NXPH1: variants seen among roughly 807,000 people sequenced by gnomAD.
The protein encoded by NXPH1 is neurexophilin 1.
In NXPH1, 5 loss-of-function variants were observed where a neutral mutation model predicts 23.7. The observed-to-expected ratio is 0.21, with a 90% confidence interval of 0.11 to 0.44. The LOEUF is 0.44. Ranked by LOEUF, NXPH1 falls within the 20% of genes least tolerant of loss-of-function variation. The pLI is 0.99. For missense variants in NXPH1, 324 were observed against 321.6 expected (o/e 1.01, Z -0.06); for synonymous variants, 144 against 122.2 (o/e 1.18, Z -1.18).
intron 2 of NXPH1, among the ~76,000 whole-genome samples, chr7:8,451,951 A>G (rs1056063195): frequency 2.6e-5 from 4 of 152,220 alleles, no homozygotes; most frequent in African/African-American, 9.6e-5. Context: ...CTCATGGAAC[A>G]TAGCCCAAAC....
chr7:8,471,059 C>G (rs897614959), intron 2 of NXPH1, among the ~76,000 whole-genome samples: 12 of 151,996 alleles, frequency 7.9e-5, no homozygotes, highest in Non-Finnish European at 1.6e-4. Context: ...TGGGCAGATA[C>G]AAAGTGATAG....
intron 2 of NXPH1, among the ~76,000 whole-genome samples, chr7:8,484,397 A>G (rs1817124892): frequency 2.0e-5 from 3 of 152,042 alleles, no homozygotes; most frequent in Admixed American, 2.0e-4. Context: ...GGATGATGGC[A>G]ATGCCTGTGA....
intron 2 of NXPH1, among the ~76,000 whole-genome samples, chr7:8,527,756 G>T (rs577658742): frequency 6.6e-6 from 1 of 152,158 alleles, no homozygotes; most frequent in Non-Finnish European, 1.5e-5. Flanking sequence ...ATATGAAATT[G>T]TTTGACAGAC....
At chr7:8,690,896 C>A (rs1408446064) in intron 2 of NXPH1, among the ~76,000 whole-genome samples, 4 of 152,150 alleles carry the variant, frequency 2.6e-5, no homozygotes, top group African/African-American at 7.2e-5. Flanking sequence ...TTTGATGTAT[C>A]CATTTGTTCA....
At chr7:8,488,308 A>C (rs1817192331) in intron 2 of NXPH1, among the ~76,000 whole-genome samples, 1 of 152,122 alleles carries the variant, frequency 6.6e-6, no homozygotes, top group Non-Finnish European at 1.5e-5. Context: ...ATGTATGACC[A>C]TAATGTGATC....
At chr7:8,564,407 T>G (rs6956624) in intron 2 of NXPH1, among the ~76,000 whole-genome samples, 87,163 of 151,594 alleles carry the variant, frequency 0.57, 25,157 homozygotes, top group Middle Eastern at 0.69. Context: ...CTTTCTCCTC[T>G]GGATGTGACA....
intron 2 of NXPH1, among the ~76,000 whole-genome samples, chr7:8,697,157 C>T (rs368376402): frequency 2.9e-5 from 3 of 104,852 alleles, no homozygotes; most frequent in South Asian, 3.4e-4. Flanking sequence ...GATTCTGTTT[C>T]AAAAAAAAAA....
intron 2 of NXPH1, among the ~76,000 whole-genome samples, chr7:8,603,380 C>G (rs1178845501): frequency 6.6e-6 from 1 of 152,142 alleles, no homozygotes; most frequent in South Asian, 2.1e-4. Context: ...TAGCCACTAT[C>G]ACCTTTTTAA....
At chr7:8,480,499 A>G (rs917144661) in intron 2 of NXPH1, among the ~76,000 whole-genome samples, 2 of 152,160 alleles carry the variant, frequency 1.3e-5, no homozygotes, top group Non-Finnish European at 2.9e-5. Flanking sequence ...TCTGCACTTT[A>G]TTTGCCTCCA....
chr7:8,594,895 G>A (rs1029760466), intron 2 of NXPH1, among the ~76,000 whole-genome samples: 4 of 151,996 alleles, frequency 2.6e-5, no homozygotes, highest in Admixed American at 2.6e-4. Context: ...TCCTGAATTT[G>A]CTGCGGGCTG....
chr7:8,709,564 T>G (rs999317801), intron 2 of NXPH1, among the ~76,000 whole-genome samples: 1 of 152,180 alleles, frequency 6.6e-6, no homozygotes, highest in African/African-American at 2.4e-5. Context: ...TTAATTATAC[T>G]CAGCACACTA....
At chr7:8,452,974 C>T (rs1816532661) in intron 2 of NXPH1, among the ~76,000 whole-genome samples, 1 of 152,082 alleles carries the variant, frequency 6.6e-6, no homozygotes, top group Non-Finnish European at 1.5e-5. Flanking sequence ...TGGGGAAAGT[C>T]TCATCAGAAC....
intron 2 of NXPH1, among the ~76,000 whole-genome samples, chr7:8,546,455 C>G (rs1289395665): frequency 6.6e-6 from 1 of 151,328 alleles, no homozygotes; most frequent in African/African-American, 2.4e-5. Context: ...CCCTTTAGAT[C>G]ACACTGCAAT....
At chr7:8,475,427 A>C (rs2189908) in intron 2 of NXPH1, among the ~76,000 whole-genome samples, 3,263 of 152,236 alleles carry the variant, frequency 0.021, 117 homozygotes, top group African/African-American at 0.073. Context: ...TATGTGAGGG[A>C]AAATTAGGAC....
At chr7:8,590,983 A>G (rs963304394) in intron 2 of NXPH1, among the ~76,000 whole-genome samples, 2 of 152,102 alleles carry the variant, frequency 1.3e-5, no homozygotes, top group African/African-American at 2.4e-5. Flanking sequence ...TGTGTACACA[A>G]TAGCATGCCA....
chr7:8,473,738 T>TG lies in NXPH1; in HGVS notation c.54+37971_54+37972insG, dbSNP rs34423607. ...GGTAGACATCAGAATGCTGTGTGTGTTTTTTTTTTTTTAAAGAGAAGGCAA... is the reference window on the plus strand; with the variant it reads ...GGTAGACATCAGAATGCTGTGTGTGTGTTTTTTTTTTTTAAAGAGAAGGCAA... On this transcript the variant is annotated intron_variant, in intron 2 of 2. Coordinates refer to ENST00000405863, the MANE Select transcript of NXPH1 (RefSeq NM_152745.3). Among the ~76,000 whole-genome samples, 29 of 75,266 alleles carry TG rather than the reference T, an allele frequency of 3.9e-4. No homozygotes were observed. In the South Asian group the frequency reaches 4.6e-3, roughly 12 times the overall value. The allele number at this position is 75,266 out of a possible 152,430, so 49.4% of individuals were successfully genotyped here. A position where few individuals can be genotyped will look rare whatever the true frequency, so the allele number is the denominator to read the frequency against.
intron 2 of NXPH1, among the ~76,000 whole-genome samples, chr7:8,524,655 C>T (rs1257160757): frequency 2.6e-5 from 4 of 152,122 alleles, no homozygotes; most frequent in Non-Finnish European, 5.9e-5. Flanking sequence ...GTGGGAGGGA[C>T]CTGGGGGAGA....
At chr7:8,551,861 A>G (rs889391058) in intron 2 of NXPH1, among the ~76,000 whole-genome samples, 9 of 151,440 alleles carry the variant, frequency 5.9e-5, no homozygotes, top group African/African-American at 2.2e-4. Context: ...TAAACAGTCT[A>G]ATAGCTTTCT....
At position 8,490,160 on chromosome 7, in the gene NXPH1, T is replaced by C. The variant is rs528553732; in HGVS notation, c.54+54393T>C. 3.3e-5 allele frequency among the ~76,000 whole-genome samples: 5 copies of C among 152,190 alleles called. No individual in the cohort carries two copies. In the East Asian group the frequency reaches 9.7e-4, roughly 30 times the overall value. On this transcript the variant is annotated intron_variant, in intron 2 of 2. Transcript: ENST00000405863. ...AAAGTCCACAGTTTTCCAAACCAAA[T>C]ATTTAAATGCTTTTCTGCTAATAAA...
Sources: gnomAD v4.1 joint callset for allele counts (sites outside exome capture counted in the v4.1 genomes callset) on GRCh38, gnomAD v4.1.1 for gene constraint, MANE v1.5 for transcripts, NCBI Gene and HGNC (gene_info 2026-07-23, HGNC 2026-07-21) for gene names.